TNNT1: variants seen among roughly 807,000 people sequenced by gnomAD.
The protein encoded by TNNT1 is troponin T1, slow skeletal type.
A neutral mutation model predicts 50.6 loss-of-function variants in TNNT1; 53 were observed. That is an observed-to-expected ratio of 1.05 (90% CI 0.84 to 1.32). The LOEUF (loss-of-function observed/expected upper bound fraction) is 1.32. TNNT1 is among the 40% of genes most tolerant of loss of function. TNNT1 has a pLI of 0.00. For synonymous variants in TNNT1, 142 were observed against 138.0 expected (o/e 1.03, Z -0.20); for missense variants, 348 against 381.7 (o/e 0.91, Z 0.74).
chr19:55,138,285 T>TC (rs1384651741), intron 9 of TNNT1, among the ~76,000 whole-genome samples: 5 of 151,526 alleles, frequency 3.3e-5, no homozygotes, highest in Admixed American at 6.6e-5. Flanking sequence ...CCTCTGTTTT[T>TC]TTTTTTTTTT....
intron 13 of TNNT1, chr19:55,133,560 C>T: frequency 2.3e-6 from 1 of 435,232 alleles, no homozygotes; most frequent in Non-Finnish European, 4.2e-6. Flanking sequence ...CACCTGTAAT[C>T]CCAGCTACTC....
chr19:55,141,840 G>A lies in TNNT1; in HGVS notation c.192+17C>T. On this transcript the variant is annotated intron_variant, in intron 7 of 13. Coordinates refer to ENST00000588981, the MANE Select transcript of TNNT1 (RefSeq NM_003283.6). ...AGACTAGCAACTGCGCCTGCGGAGGGGTCTCTTGTCACTTACATCGAAGTC... is the reference window on the plus strand; with the variant it reads ...AGACTAGCAACTGCGCCTGCGGAGGAGTCTCTTGTCACTTACATCGAAGTC... 1.9e-6 allele frequency: 3 copies of A among 1,613,742 alleles called. No individual in the cohort carries two copies. Among genetic ancestry groups the A allele is most frequent in the African/African-American group, 2.7e-5 (2 of 75,008 alleles).
chr19:55,142,010 G>A (rs1266392175), intron 6 of TNNT1, 90 bp from the exon 7 acceptor site: 4 of 1,337,262 alleles, frequency 3.0e-6, no homozygotes, highest in Non-Finnish European at 4.3e-6. Flanking sequence ...TGAGGTAGCC[G>A]CCAGCCCCGG....
intron 5 of TNNT1, 73 bp from the exon 6 acceptor site, chr19:55,145,638 T>A (rs994869139): frequency 6.4e-7 from 1 of 1,566,774 alleles, no homozygotes; most frequent in Non-Finnish European, 8.8e-7. Context: ...TGACACACCC[T>A]GGGGAGGGAC....
intron 5 of TNNT1, 144 bp from the exon 6 acceptor site, chr19:55,145,709 G>A: frequency 2.6e-6 from 2 of 776,782 alleles, no homozygotes; most frequent in South Asian, 3.1e-5. Context: ...TCTGGAGGAG[G>A]GGGGATGGGG....
At position 55,132,966 on chromosome 19, in the gene TNNT1, G is replaced by C. The variant is rs753081977; in HGVS notation, c.792-6C>G. ...CCTTCCCTGCCCCCTTCCGGCTGTA[G>C]AAGAATGAGGTGGTATCAGGAAAAA... On this transcript the variant is annotated splice_polypyrimidine_tract_variant and splice_region_variant and intron_variant, in intron 13 of 13. Transcript: ENST00000588981. 19 of 1,599,326 alleles carry C rather than the reference G, an allele frequency of 1.2e-5. No individual in the cohort carries two copies. Among genetic ancestry groups the C allele is most frequent in the Non-Finnish European group, 1.3e-5 (15 of 1,174,234 alleles).
intron 6 of TNNT1, chr19:55,145,307 G>A: frequency 3.5e-6 from 2 of 574,868 alleles, no homozygotes; most frequent in Non-Finnish European, 6.2e-6. Context: ...CGATGAAGAA[G>A]AAGGGGAAGG....
rs150477069 is a variant in TNNT1, at chr19:55,140,903, C to G, written c.367G>C (p.Glu123Gln). ...CCCACCGCCAGCTTAGCCTGACGTT[C>G]GCGTTCCTTCTCAGTTCTGAAGCGC... ...QQRFRTEKER[E>Q]RQAKLAEEKM... Residue 123 changes from glutamate to glutamine, a missense_variant, in exon 9 of 14, where the codon GAA becomes CAA. Coordinates refer to ENST00000588981, the MANE Select transcript of TNNT1 (RefSeq NM_003283.6). The G allele has an allele frequency of 4.3e-6, 7 of 1,613,606 alleles. No individual in the cohort carries two copies. The highest frequency in any genetic ancestry group is 5.9e-6 in the Non-Finnish European group (7 of 1,180,034).
chr19:55,147,531 AACTCCTGGATCTGAGGGAGGAGG>A lies in TNNT1; in HGVS notation c.-11-386_-11-364del, dbSNP rs1568850776. On this transcript the variant is annotated intron_variant, in intron 1 of 13. Coordinates refer to ENST00000588981, the MANE Select transcript of TNNT1 (RefSeq NM_003283.6). Reference sequence around the variant, plus strand: ...TGAGGGAGGAGGGACTGGGGTCCTGAACTCCTGGATCTGAGGGAGGAGGGGCTGGGGGCCGGATTCCTGGGTCT... The same window carrying A: ...TGAGGGAGGAGGGACTGGGGTCCTGAGGCTGGGGGCCGGATTCCTGGGTCT... Among the ~76,000 whole-genome samples, 3 of 98,032 alleles carry A rather than the reference AACTCCTGGATCTGAGGGAGGAGG, an allele frequency of 3.1e-5. No individual in the cohort carries two copies. In the East Asian group the frequency reaches 1.0e-3, roughly 34 times the overall value. The allele number at this position is 98,032 out of a possible 152,430, so 64.3% of individuals were successfully genotyped here. A position where few individuals can be genotyped will look rare whatever the true frequency, so the allele number is the denominator to read the frequency against.
At chr19:55,143,098 G>A (rs1028834522) in intron 6 of TNNT1, among the ~76,000 whole-genome samples, 1 of 151,800 alleles carries the variant, frequency 6.6e-6, no homozygotes, top group Non-Finnish European at 1.5e-5. Context: ...GAACCCCGGA[G>A]GCAGAGATTG....
chr19:55,142,317 T>G (rs976737933), intron 6 of TNNT1, among the ~76,000 whole-genome samples: 2 of 151,388 alleles, frequency 1.3e-5, no homozygotes, highest in African/African-American at 4.9e-5. Flanking sequence ...GAGACGGGGC[T>G]TCACTGTGTT....
chr19:55,133,692 A>G (rs529538866), intron 13 of TNNT1, 195 bp downstream of exon 13: 153 of 662,092 alleles, frequency 2.3e-4, no homozygotes, highest in South Asian at 1.4e-3. Flanking sequence ...AAAAAAAAAA[A>G]AAAGAAAGAA....
intron 7 of TNNT1, 63 bp downstream of exon 7, chr19:55,141,794 A>AT (rs762919547): frequency 1.9e-6 from 3 of 1,593,348 alleles, no homozygotes. Context: ...CCTTTTCATG[A>AT]TTGACACAAA....
intron 3 of TNNT1, 150 bp from the exon 4 acceptor site, chr19:55,146,857 C>T (rs1222531642): frequency 1.6e-6 from 2 of 1,224,382 alleles, no homozygotes; most frequent in Non-Finnish European, 2.2e-6. Flanking sequence ...GCAGGGATGG[C>T]GCGAGGAGAC....
At chr19:55,143,829 G>A (rs1039723607) in intron 6 of TNNT1, among the ~76,000 whole-genome samples, 16 of 152,114 alleles carry the variant, frequency 1.1e-4, no homozygotes, top group African/African-American at 3.9e-4. Flanking sequence ...TCTCTCCTAA[G>A]CCCCAGACTC....
At chr19:55,134,030 C>CCT in intron 12 of TNNT1, 36 bp downstream of exon 12, 1 of 1,612,674 alleles carries the variant, frequency 6.2e-7, no homozygotes, top group Non-Finnish European at 8.5e-7. Context: ...CCAGCCCTGC[C>CCT]CTCTCTCCCT....
At chr19:55,146,886 G>A in intron 3 of TNNT1, 122 bp downstream of exon 3, 1 of 1,334,730 alleles carries the variant, frequency 7.5e-7, no homozygotes, top group East Asian at 2.5e-5. Flanking sequence ...CCCGGAGAGG[G>A]CGGGCGAGGG....
chr19:55,139,019 G>C (rs971689291), intron 9 of TNNT1, among the ~76,000 whole-genome samples: 2 of 152,076 alleles, frequency 1.3e-5, no homozygotes, highest in African/African-American at 4.8e-5. Context: ...TTTTGAGATG[G>C]AGTCTCGCTC....
chr19:55,148,383 A>G (rs2085620085), intron 1 of TNNT1, among the ~76,000 whole-genome samples: 2 of 151,776 alleles, frequency 1.3e-5, no homozygotes, highest in Non-Finnish European at 2.9e-5. Context: ...CTGTCCGTAG[A>G]CCTCACCCTG....
Sources: gnomAD v4.1 joint callset for allele counts (sites outside exome capture counted in the v4.1 genomes callset) on GRCh38, gnomAD v4.1.1 for gene constraint, MANE v1.5 for transcripts, NCBI Gene and HGNC (gene_info 2026-07-23, HGNC 2026-07-21) for gene names.